The following MED13L variants were observed in gnomAD, a reference collection of about 807,000 sequenced individuals.
MED13L encodes mediator complex subunit 13L.
MED13L carries 7 observed loss-of-function variants against 220.9 expected under a neutral mutation model. The observed-to-expected ratio is 0.03, with a 90% CI of 0.02 to 0.06. MED13L has a LOEUF of 0.06. Ranked by LOEUF, MED13L falls within the 10% of genes least tolerant of loss-of-function variation. The pLI is 1.00. For missense variants in MED13L, 1,965 were observed against 2,760.5 expected, an observed-to-expected ratio of 0.71 and a Z score of 6.46; for synonymous variants, 1,011 against 1,015.2, an observed-to-expected ratio of 1.00 and a Z score of 0.08.
At chr12:115,974,784 A>G (rs1324293650) in intron 25 of MED13L, among the ~76,000 whole-genome samples, 1 of 152,158 alleles carries the variant, frequency 6.6e-6, no homozygotes, top group Admixed American at 6.5e-5. Flanking sequence ...ATCAACCACC[A>G]AACAAATTGA....
Position 116,121,709 on chromosome 12 carries a change from G to C in MED13L, c.311-10197C>G, listed in dbSNP as rs570186151. Among the ~76,000 whole-genome samples, 9 of 152,264 alleles carry C rather than the reference G, an allele frequency of 5.9e-5. 4 individuals are homozygous for C. Among genetic ancestry groups the C allele is most frequent in the African/African-American group, 2.2e-4 (9 of 41,558 alleles). ...TTTCCTTTTAATGTATCATATTGCA[G>C]CAACAGCTGAAATGAACGTCTAGAC... On this transcript the variant is annotated intron_variant, in intron 2 of 30. Coordinates refer to ENST00000281928, the MANE Select transcript of MED13L (RefSeq NM_015335.5).
At chr12:116,108,740 T>G (rs969352034) in intron 3 of MED13L, among the ~76,000 whole-genome samples, 1 of 152,212 alleles carries the variant, frequency 6.6e-6, no homozygotes, top group Non-Finnish European at 1.5e-5. Flanking sequence ...CAAAATTGAC[T>G]CCTGTAGGAG....
chr12:116,202,422 T>TTC (rs998288241), intron 2 of MED13L, among the ~76,000 whole-genome samples: 2 of 152,152 alleles, frequency 1.3e-5, no homozygotes, highest in Non-Finnish European at 2.9e-5. Flanking sequence ...AAAACACCAA[T>TTC]TTATAGGACC....
At chr12:116,080,939 A>G (rs778506267) in intron 4 of MED13L, among the ~76,000 whole-genome samples, 31 of 152,224 alleles carry the variant, frequency 2.0e-4, no homozygotes, top group Non-Finnish European at 3.7e-4. Context: ...TAGGAATACG[A>G]AGGTATTCCT....
chr12:116,161,566 A>G (rs150583260), intron 2 of MED13L, among the ~76,000 whole-genome samples: 46 of 152,314 alleles, frequency 3.0e-4, no homozygotes, highest in African/African-American at 1.1e-3. Flanking sequence ...ATTAATGATG[A>G]ATAGAACAAG....
At chr12:116,026,018 AAAAG>A (rs1056944212) in intron 4 of MED13L, among the ~76,000 whole-genome samples, 4 of 152,196 alleles carry the variant, frequency 2.6e-5, no homozygotes, top group African/African-American at 9.7e-5. Flanking sequence ...AGAATTCAAA[AAAAG>A]AAAGAAAATA....
Position 116,111,415 on chromosome 12 carries a change from T to G in MED13L, c.395+13A>C, listed in dbSNP as rs775456843. On this transcript the variant is annotated intron_variant, in intron 3 of 30. Transcript: ENST00000281928. ...GTTGTCTGCAAACCACTGTCTGCTG[T>G]TCCTTCTCTTACCTTTCTAACAGAT... The G allele has an allele frequency of 2.5e-6, 4 of 1,608,850 alleles. No homozygotes were observed. The East Asian group carries it at 8.9e-5, about 36-fold the overall frequency.
intron 2 of MED13L, among the ~76,000 whole-genome samples, chr12:116,221,675 G>A (rs943805189): frequency 1.1e-4 from 16 of 152,040 alleles, no homozygotes; most frequent in African/African-American, 3.9e-4. Flanking sequence ...TGTGGAAAAG[G>A]AAACAGGTTT....
intron 29 of MED13L, among the ~76,000 whole-genome samples, 199 bp from the exon 30 acceptor site, chr12:115,963,718 A>C (rs958621090): frequency 2.0e-5 from 3 of 151,246 alleles, no homozygotes; most frequent in Non-Finnish European, 3.0e-5. Context: ...GGAAAAAAAC[A>C]AAAAAAAAGC....
chr12:116,018,912 C>A (rs202239538), intron 7 of MED13L, among the ~76,000 whole-genome samples: 284 of 143,248 alleles, frequency 2.0e-3, no homozygotes, highest in Middle Eastern at 3.7e-3. Flanking sequence ...AAAAAAAAAA[C>A]AAAAAAAAAC....
chr12:116,233,112 T>G (rs1023752476), intron 2 of MED13L, among the ~76,000 whole-genome samples: 4 of 138,206 alleles, frequency 2.9e-5, no homozygotes, highest in African/African-American at 1.1e-4. Context: ...AAAAAAAAAG[T>G]AAGAAGTATT....
intron 2 of MED13L, among the ~76,000 whole-genome samples, chr12:116,190,259 A>G (rs1881183863): frequency 6.6e-6 from 1 of 152,156 alleles, no homozygotes; most frequent in South Asian, 2.1e-4. Flanking sequence ...AATTTTTCTG[A>G]GAGTTTTTAA....
At chr12:116,062,355 T>C (rs541543030) in intron 4 of MED13L, among the ~76,000 whole-genome samples, 5 of 152,082 alleles carry the variant, frequency 3.3e-5, no homozygotes, top group African/African-American at 1.2e-4. Context: ...TGTTTCACCA[T>C]GTTGGCCAGG....
rs869201518 is a variant in MED13L, at chr12:116,102,710, C to CTTTTTTTTTTTTTTTTTTTTTTTT, written c.396-5982_396-5959dup. Reference sequence around the variant, plus strand: ...TATTTTCTTTTTCTTTTTCTTTTTTCTTTTTTTTTTTTTTTTTTTTTTTTT... The same window carrying CTTTTTTTTTTTTTTTTTTTTTTTT: ...TATTTTCTTTTTCTTTTTCTTTTTTCTTTTTTTTTTTTTTTTTTTTTTTTTTTTTTTTTTTTTTTTTTTTTTTTT... On this transcript the variant is annotated intron_variant, in intron 3 of 30. Coordinates refer to ENST00000281928, the MANE Select transcript of MED13L (RefSeq NM_015335.5). 2.8e-4 allele frequency among the ~76,000 whole-genome samples: 19 copies of CTTTTTTTTTTTTTTTTTTTTTTTT among 68,674 alleles called. 3 individuals carry two copies. The highest frequency in any genetic ancestry group is 9.7e-4 in the African/African-American group (17 of 17,500). 45.1% of individuals were successfully genotyped at this position (68,674 alleles called of 152,430 possible).
At chr12:116,177,936 G>GC (rs1415942045) in intron 2 of MED13L, among the ~76,000 whole-genome samples, 1 of 152,078 alleles carries the variant, frequency 6.6e-6, no homozygotes, top group Non-Finnish European at 1.5e-5. Flanking sequence ...GCTCACTGCA[G>GC]CCTCAATCTC....
chr12:116,019,380 C>T lies in MED13L; in HGVS notation c.853G>A (p.Val285Ile), dbSNP rs780377707. Reference protein sequence around the residue: ...GVRMVYPSAFVLISQNDIPVP... With the variant: ...GVRMVYPSAFILISQNDIPVP... ...GGGATGTCATTCTGAGAGATCAAAACAAATGCTGAAGGGTAAACCATCCGA... is the reference window on the plus strand; with the variant it reads ...GGGATGTCATTCTGAGAGATCAAAATAAATGCTGAAGGGTAAACCATCCGA... Residue 285 changes from valine to isoleucine, a missense_variant, in exon 7 of 31, where the codon GTT (valine) becomes ATT (isoleucine). Val to Ile is a conservative substitution (Grantham distance 29, BLOSUM62 3). Around this residue, in one of 10 missense-constraint regions of MED13L, gnomAD observed 818 missense variants for 1,041.2 expected, o/e 0.79. Coordinates refer to ENST00000281928, the MANE Select transcript of MED13L (RefSeq NM_015335.5). The T allele has an allele frequency of 4.3e-6, 7 of 1,613,932 alleles. No homozygotes were observed. The highest frequency in any genetic ancestry group is 1.3e-5 in the African/African-American group (1 of 75,020).
chr12:116,187,971 A>G (rs911023492), intron 2 of MED13L, among the ~76,000 whole-genome samples: 2 of 152,100 alleles, frequency 1.3e-5, no homozygotes, highest in Non-Finnish European at 2.9e-5. Flanking sequence ...TTTTAGCCAC[A>G]ATGTAAGTCC....
chr12:116,078,811 T>G (rs558673393), intron 4 of MED13L, among the ~76,000 whole-genome samples: 2 of 152,202 alleles, frequency 1.3e-5, no homozygotes, highest in South Asian at 4.2e-4. Flanking sequence ...TGAAATTGTC[T>G]AAGAATATAA....
At chr12:116,138,378 A>C (rs1267421000) in intron 2 of MED13L, among the ~76,000 whole-genome samples, 2 of 152,160 alleles carry the variant, frequency 1.3e-5, no homozygotes, top group Non-Finnish European at 2.9e-5. Context: ...CAGGACAGGG[A>C]AGGGTGGTAA....
Sources: gnomAD v4.1 joint callset for allele counts (sites outside exome capture counted in the v4.1 genomes callset) on GRCh38, gnomAD v4.1.1 for gene constraint, gnomAD v4.1.1 regional missense constraint, MANE v1.5 for transcripts, NCBI Gene and HGNC (gene_info 2026-07-23, HGNC 2026-07-21) for gene names.